WDR82: variants seen among roughly 807,000 people sequenced by gnomAD.
WDR82 encodes the protein WD repeat domain 82.
Under a neutral mutation model 36.1 loss-of-function variants are expected in WDR82, and 8 were observed. The ratio of observed to expected loss-of-function variants is 0.22; its 90% confidence interval spans 0.13 to 0.40. The LOEUF is 0.40. Among genes scored for constraint, WDR82 ranks in the 10% least tolerant of loss-of-function variants. The pLI is 1.00. For missense variants in WDR82, 185 were observed against 400.5 expected (o/e 0.46, Z 4.59); for synonymous variants, 129 against 137.8 (o/e 0.94, Z 0.45).
chr3:52,263,328 C>T lies in WDR82; in HGVS notation c.327-1849G>A, dbSNP rs1226171576. Among the ~76,000 whole-genome samples the T allele has an allele frequency of 2.0e-5, 3 of 152,196 alleles. No homozygotes were observed. The East Asian group carries it at 5.8e-4, about 29-fold the overall frequency. Reference sequence around the variant, plus strand: ...ACCAGAGAAGGCTTCTGGAAAGATACAACATCTGAGGTAGAAAGGATTTCA... The same window carrying T: ...ACCAGAGAAGGCTTCTGGAAAGATATAACATCTGAGGTAGAAAGGATTTCA... On this transcript the variant is annotated intron_variant, in intron 3 of 8. Transcript: ENST00000296490.
rs1288276940 is a variant in WDR82 at position 52,255,096 on chromosome 3, C to T, written c.*2394G>A. On this transcript the variant is annotated 3_prime_UTR_variant, in exon 9 of 9. Coordinates refer to ENST00000296490, the MANE Select transcript of WDR82 (RefSeq NM_025222.4). ...TAGCTGAGATTATAGGCGCATGCCA[C>T]CACGCCCGGCTAATTTTGTATTTTT... The T allele has an allele frequency of 6.6e-6, 1 of 152,236 alleles. No individual in the cohort carries two copies. Among genetic ancestry groups the T allele is most frequent in the Non-Finnish European group, 1.5e-5 (1 of 68,096 alleles). 9.4% of individuals were successfully genotyped at this position (152,236 alleles called of 1,614,324 possible).
chr3:52,269,502 G>A (rs377678442), intron 2 of WDR82, among the ~76,000 whole-genome samples: 2 of 151,484 alleles, frequency 1.3e-5, no homozygotes, highest in African/African-American at 2.4e-5. Flanking sequence ...GGCCGGGCAC[G>A]GTGGCTTACA....
At chr3:52,260,701 TAAAAC>T (rs1414980913) in intron 4 of WDR82, among the ~76,000 whole-genome samples, 200 bp from the exon 5 acceptor site, 1 of 151,924 alleles carries the variant, frequency 6.6e-6, no homozygotes, top group East Asian at 1.9e-4. Context: ...AAAAAAAACA[TAAAAC>T]TAAAATGAAG....
chr3:52,266,499 G>A (rs745327155), intron 3 of WDR82, among the ~76,000 whole-genome samples: 7 of 152,048 alleles, frequency 4.6e-5, no homozygotes, highest in Non-Finnish European at 1.0e-4. Context: ...GTGCAGTGGC[G>A]CGATCTCGGC....
rs1213656077 is a variant in WDR82, at chr3:52,254,754, C to T, written c.*2736G>A. 1.3e-5 allele frequency: 2 copies of T among 152,210 alleles called. No individual in the cohort carries two copies. The highest frequency in any genetic ancestry group is 2.9e-5 in the Non-Finnish European group (2 of 68,044). 9.4% of individuals were successfully genotyped at this position (152,210 alleles called of 1,614,324 possible). Reference sequence around the variant, plus strand: ...CCCCAATTCTTAAGGTGGCAAACGCCGCTGCCCCACTCCCCACCCATCCCC... The same window carrying T: ...CCCCAATTCTTAAGGTGGCAAACGCTGCTGCCCCACTCCCCACCCATCCCC... On this transcript the variant is annotated 3_prime_UTR_variant, in exon 9 of 9. Coordinates refer to ENST00000296490, the MANE Select transcript of WDR82 (RefSeq NM_025222.4).
In WDR82 at chr3:52,259,929, C is replaced by T. The variant is rs1700045923; in HGVS notation, c.544-57G>A. 2.6e-6 allele frequency: 4 copies of T among 1,555,532 alleles called. No individual in the cohort carries two copies. The South Asian group carries it at 3.6e-5, about 14-fold the overall frequency. ...ATATTAATAATTTCTTCTGCTAGAG[C>T]CAATTCCCATCCTATTCCTTTAGAT... is the stretch of plus-strand genomic sequence containing the variant. On this transcript the variant is annotated intron_variant, in intron 5 of 8. Coordinates refer to ENST00000296490, the MANE Select transcript of WDR82 (RefSeq NM_025222.4).
intron 3 of WDR82, among the ~76,000 whole-genome samples, chr3:52,264,729 C>G (rs1027219407): frequency 6.6e-6 from 1 of 152,052 alleles, no homozygotes; most frequent in African/African-American, 2.4e-5. Flanking sequence ...AGAAAGACAA[C>G]AGCTTTCTCA....
chr3:52,278,194 C>A lies in WDR82; in HGVS notation c.161+7G>T. The A allele has an allele frequency of 6.3e-7, 1 of 1,593,144 alleles. No homozygotes were observed. Among genetic ancestry groups the A allele is most frequent in the Non-Finnish European group, 8.6e-7 (1 of 1,169,504 alleles). On this transcript the variant is annotated splice_region_variant and intron_variant, in intron 1 of 8. Transcript: ENST00000296490. ...AGACTCGGGCCCAGGGCCTCCGCCG[C>A]ACTCACTTGCCCTCCTGGCAGTCAT... is the stretch of plus-strand genomic sequence containing the variant.
chr3:52,259,623 G>T, intron 6 of WDR82, 94 bp downstream of exon 6: 1 of 1,437,752 alleles, frequency 7.0e-7, no homozygotes, highest in Non-Finnish European at 9.4e-7. Flanking sequence ...AGTAAGTCAA[G>T]AGTAACTGTT....
intron 5 of WDR82, 32 bp downstream of exon 5, chr3:52,260,352 CA>C: frequency 6.8e-7 from 1 of 1,474,648 alleles, no homozygotes; most frequent in Non-Finnish European, 9.1e-7. Flanking sequence ...AAACAAAAAA[CA>C]GCTCAAAGAT....
chr3:52,264,894 G>A (rs370265862), intron 3 of WDR82, among the ~76,000 whole-genome samples: 2 of 151,982 alleles, frequency 1.3e-5, no homozygotes, highest in Admixed American at 6.5e-5. Context: ...AGACTCAAGC[G>A]ATCCTCTCAC....
chr3:52,265,291 C>A (rs1700095509), intron 3 of WDR82, among the ~76,000 whole-genome samples: 2 of 89,162 alleles, frequency 2.2e-5, no homozygotes, highest in Non-Finnish European at 3.9e-5. Flanking sequence ...CAGAGCGAGA[C>A]TCTGTCTCAA....
chr3:52,264,874 T>C (rs945214405), intron 3 of WDR82, among the ~76,000 whole-genome samples: 6 of 152,000 alleles, frequency 3.9e-5, no homozygotes, highest in Admixed American at 3.9e-4. Flanking sequence ...CACTGCAGCC[T>C]CAACCTCCCA....
chr3:52,271,467 T>C (rs957781127), intron 1 of WDR82, among the ~76,000 whole-genome samples: 17 of 152,178 alleles, frequency 1.1e-4, no homozygotes, highest in African/African-American at 3.6e-4. Context: ...GCTGTACATC[T>C]ACTTGGGAAG....
chr3:52,276,410 G>C (rs940603313), intron 1 of WDR82, among the ~76,000 whole-genome samples: 1 of 151,190 alleles, frequency 6.6e-6, no homozygotes, highest in Admixed American at 6.6e-5. Context: ...CAGCCTGGGC[G>C]ACGGAGAGAG....
intron 4 of WDR82, among the ~76,000 whole-genome samples, chr3:52,260,900 G>C (rs1246115433): frequency 6.6e-6 from 1 of 152,216 alleles, no homozygotes; most frequent in Non-Finnish European, 1.5e-5. Context: ...GGGAGGCCAA[G>C]GTAGGAGGAT....
At chr3:52,271,025 G>C (rs1293963574) in intron 1 of WDR82, among the ~76,000 whole-genome samples, 1 of 152,212 alleles carries the variant, frequency 6.6e-6, no homozygotes, top group Non-Finnish European at 1.5e-5. Context: ...CTAGTGGCAA[G>C]GTTAGGTGGG....
At chr3:52,259,065 C>T (rs1700036935) in intron 7 of WDR82, 132 bp downstream of exon 7, 3 of 1,068,340 alleles carry the variant, frequency 2.8e-6, no homozygotes, top group Non-Finnish European at 4.1e-6. Flanking sequence ...ACACTATGTC[C>T]TTGGCATAAT....
intron 2 of WDR82, among the ~76,000 whole-genome samples, chr3:52,269,501 C>T (rs577151842): frequency 1.1e-4 from 16 of 151,188 alleles, no homozygotes; most frequent in African/African-American, 3.4e-4. Flanking sequence ...AGGCCGGGCA[C>T]GGTGGCTTAC....
Sources: allele counts gnomAD v4.1 joint callset (sites outside exome capture counted in the v4.1 genomes callset), GRCh38; gene constraint gnomAD v4.1.1; transcripts MANE v1.5; gene names NCBI Gene and HGNC (gene_info 2026-07-23, HGNC 2026-07-21).